The following PHLDB2 variants were observed in gnomAD, a reference collection of about 807,000 sequenced individuals.
PHLDB2 encodes the protein pleckstrin homology like domain family B member 2, also known as pleckstrin homology-like domain family B member 2.
PHLDB2 carries 71 observed loss-of-function variants against 123.6 expected under a neutral mutation model. That is an observed-to-expected ratio of 0.57 (90% CI 0.47 to 0.70). The LOEUF is 0.70. Among genes scored for constraint, PHLDB2 ranks in the 30% least tolerant of loss-of-function variants. The pLI is 0.00. For missense variants in PHLDB2, 1,446 were observed against 1,519.5 expected (o/e 0.95, Z 0.80); for synonymous variants, 547 against 541.6 (o/e 1.01, Z -0.14).
intron 1 of PHLDB2, among the ~76,000 whole-genome samples, chr3:111,738,972 C>T (rs770430457): frequency 1.9e-4 from 29 of 152,144 alleles, no homozygotes; most frequent in Non-Finnish European, 3.2e-4. Flanking sequence ...AACAGGGCAA[C>T]TCTGGGCAAG....
upstream of PHLDB2, among the ~76,000 whole-genome samples, chr3:111,858,695 T>C (rs2064632867): frequency 1.3e-5 from 2 of 152,152 alleles, no homozygotes; most frequent in South Asian, 2.1e-4. Flanking sequence ...GTGAAGAAAT[T>C]GTTGCTGGGA....
intron 1 of PHLDB2, among the ~76,000 whole-genome samples, chr3:111,766,195 C>T (rs139681602): frequency 3.3e-5 from 5 of 152,120 alleles, no homozygotes; most frequent in African/African-American, 1.2e-4. Flanking sequence ...GATCCCAGCA[C>T]TTTGGGAGGC....
rs770778928 is a variant in PHLDB2 at position 111,913,379 on chromosome 3, C to T, written c.1396C>T (p.Arg466Cys). Residue 466 changes from arginine (R) to cysteine (C), a missense_variant, in exon 3 of 18, where the codon CGC (arginine) becomes TGC (cysteine). Arg to Cys is a radical substitution (Grantham distance 180, BLOSUM62 -3). Transcript: ENST00000431670. ...LCAEYTKPDS[R>C]LSTGTTVEDV... The stretch of plus-strand genomic sequence containing the variant: ...TGCTGAATACACAAAGCCTGACAGT[C>T]GCTTATCTACTGGGACCACCGTGGA... 12 of 1,613,668 alleles carry T rather than the reference C, an allele frequency of 7.4e-6. No homozygotes were observed. The highest frequency in any genetic ancestry group is 2.7e-5 in the African/African-American group (2 of 74,986).
upstream of PHLDB2, chr3:111,859,113 A>G (rs568852842): frequency 4.8e-4 from 461 of 954,366 alleles, 1 homozygote; most frequent in Middle Eastern, 2.2e-3. Context: ...CAGCTGGTAA[A>G]CTTGCCCCGG....
Position 111,945,320 on chromosome 3 carries a change from G to A in PHLDB2, c.2450G>A (p.Gly817Glu). ...LEKKYSSLSG[G>E]KGFPVNPNTL... is the part of the protein sequence containing the mutation. ...AAGAAATACTCCAGCCTCTCTGGGG[G>A]GAAAGGGTTTCCCGTTAACCCCAAT... The change falls in exon 9 of 18, where the codon GGG (glycine) becomes GAG (glutamate). Residue 817 changes from glycine to glutamate, a missense_variant. Transcript: ENST00000431670. 2.5e-6 allele frequency: 4 copies of A among 1,610,564 alleles called. No individual in the cohort carries two copies. Among genetic ancestry groups the A allele is most frequent in the Non-Finnish European group, 3.4e-6 (4 of 1,177,260 alleles).
chr3:111,811,804 TCTTTTGCTCA>T (rs1382820941), intron 1 of PHLDB2, among the ~76,000 whole-genome samples: 2 of 152,180 alleles, frequency 1.3e-5, no homozygotes, highest in Non-Finnish European at 2.9e-5. Flanking sequence ...AAAACAAACA[TCTTTTGCTCA>T]CTCTAAGCAC....
At chr3:111,865,096 G>T (rs2065003626) in intron 1 of PHLDB2, among the ~76,000 whole-genome samples, 1 of 152,202 alleles carries the variant, frequency 6.6e-6, no homozygotes. Context: ...GACCAGTGCA[G>T]ACCCAGTGTG....
intron 6 of PHLDB2, among the ~76,000 whole-genome samples, chr3:111,937,099 A>G (rs544570338): frequency 6.6e-6 from 1 of 152,332 alleles, no homozygotes; most frequent in Non-Finnish European, 1.5e-5. Context: ...AATGTTGAAT[A>G]TGTTTTTCAA....
chr3:111,792,648 A>T (rs2060978822), intron 1 of PHLDB2, among the ~76,000 whole-genome samples: 1 of 152,186 alleles, frequency 6.6e-6, no homozygotes, highest in African/African-American at 2.4e-5. Flanking sequence ...TTGAAGCTTT[A>T]GTGAGCCCTG....
intron 1 of PHLDB2, among the ~76,000 whole-genome samples, chr3:111,744,485 A>G (rs2059651929): frequency 1.3e-5 from 2 of 152,232 alleles, no homozygotes; most frequent in South Asian, 2.1e-4. Context: ...AAAAAGTTTC[A>G]CACAGTACTT....
chr3:111,747,056 C>T (rs1376442394), intron 1 of PHLDB2, among the ~76,000 whole-genome samples: 1 of 152,070 alleles, frequency 6.6e-6, no homozygotes, highest in Non-Finnish European at 1.5e-5. Context: ...GTAGTAAAGA[C>T]CAAAATTTTA....
chr3:111,741,208 C>T (rs1377513897), intron 1 of PHLDB2, among the ~76,000 whole-genome samples: 1 of 152,220 alleles, frequency 6.6e-6, no homozygotes, highest in Non-Finnish European at 1.5e-5. Flanking sequence ...AAAAACTCAT[C>T]TCATACACCT....
rs751000884 is a variant in PHLDB2, at chr3:111,948,953, A to G, written c.2509A>G (p.Ile837Val). ...TTAGGGCTATATCAGTGTAAATGAG[A>G]TTAATGAGCCGTGTGGCAATTCCAC... is the stretch of plus-strand genomic sequence containing the variant. ...LKEGYISVNE[I>V]NEPCGNSTNL... The change falls in exon 10 of 18, where the codon ATT (isoleucine) becomes GTT (valine). Residue 837 changes from isoleucine (I) to valine (V), a missense_variant. Physicochemically the swap from Ile to Val is conservative, Grantham distance 29 (BLOSUM62 3). Around this residue, in one of 3 missense-constraint regions of PHLDB2, gnomAD observed 594 missense variants for 646.0 expected, o/e 0.92. Transcript: ENST00000431670. 1.9e-6 allele frequency: 3 copies of G among 1,614,014 alleles called. No individual in the cohort carries two copies. The highest frequency in any genetic ancestry group is 2.5e-6 in the Non-Finnish European group (3 of 1,179,956).
intron 1 of PHLDB2, among the ~76,000 whole-genome samples, chr3:111,831,063 A>G (rs2063010127): frequency 6.7e-6 from 1 of 148,650 alleles, no homozygotes; most frequent in Admixed American, 6.7e-5. Context: ...AAAGAGAGAG[A>G]TAGAGAGAAA....
At chr3:111,869,705 CTGTG>C (rs756821881) in intron 1 of PHLDB2, among the ~76,000 whole-genome samples, 128 of 25,282 alleles carry the variant, frequency 5.1e-3, no homozygotes, top group Admixed American at 9.2e-3. Flanking sequence ...GTGTCTGTCT[CTGTG>C]TGTGTGTGTG....
intron 1 of PHLDB2, among the ~76,000 whole-genome samples, chr3:111,829,688 T>G (rs2062842503): frequency 6.6e-6 from 1 of 151,964 alleles, no homozygotes; most frequent in Admixed American, 6.6e-5. Flanking sequence ...GGTCTCGAAC[T>G]CCTGACCTGG....
chr3:111,863,970 A>T (rs2108663193), intron 1 of PHLDB2, among the ~76,000 whole-genome samples: 1 of 152,310 alleles, frequency 6.6e-6, no homozygotes, highest in African/African-American at 2.4e-5. Flanking sequence ...CTCCTGTGGT[A>T]GTTATTTTAT....
intron 1 of PHLDB2, among the ~76,000 whole-genome samples, chr3:111,788,833 G>T (rs2060796469): frequency 6.6e-6 from 1 of 152,168 alleles, no homozygotes; most frequent in African/African-American, 2.4e-5. Context: ...TTCCAATATG[G>T]CCTAGGGAAG....
chr3:111,966,128 C>G (rs567004331), intron 13 of PHLDB2, among the ~76,000 whole-genome samples: 1 of 152,268 alleles, frequency 6.6e-6, no homozygotes, highest in South Asian at 2.1e-4. Context: ...GCTCATAATA[C>G]ATATTCCACA....
Sources: gnomAD v4.1 joint callset for allele counts (sites outside exome capture counted in the v4.1 genomes callset) on GRCh38, gnomAD v4.1.1 for gene constraint, gnomAD v4.1.1 regional missense constraint, MANE v1.5 for transcripts, NCBI Gene and HGNC (gene_info 2026-07-23, HGNC 2026-07-21) for gene names.